TCP11: variants seen among roughly 807,000 people sequenced by gnomAD.
TCP11 encodes the protein T-complex protein 11 homolog.
TCP11 carries 34 observed loss-of-function variants against 45.0 expected under a neutral mutation model. The observed-to-expected ratio is 0.76, with a 90% confidence interval of 0.57 to 1.01. The LOEUF (loss-of-function observed/expected upper bound fraction) is 1.01. Ranked by LOEUF, TCP11 falls within the 50% of genes least tolerant of loss-of-function variation. The pLI is 0.00. For synonymous variants in TCP11, 227 were observed against 227.0 expected (o/e 1.00, Z 0.00); for missense variants, 523 against 598.1 (o/e 0.87, Z 1.31).
intron 4 of TCP11, among the ~76,000 whole-genome samples, chr6:35,122,941 G>A (rs1779448187): frequency 6.6e-6 from 1 of 152,104 alleles, no homozygotes. Context: ...AATCAAAGTT[G>A]CTCCATACTA....
chr6:35,129,423 G>C (rs1229820157), intron 3 of TCP11, among the ~76,000 whole-genome samples: 2 of 152,226 alleles, frequency 1.3e-5, no homozygotes, highest in East Asian at 3.8e-4. Context: ...CCCTCTCTCT[G>C]CAGTAGAAAG....
chr6:35,130,487 A>G lies in TCP11; in HGVS notation c.237-1305T>C, dbSNP rs541725515. 1.1e-3 allele frequency among the ~76,000 whole-genome samples: 165 copies of G among 152,330 alleles called. 1 individual carries two copies. The highest frequency in any genetic ancestry group is 2.0e-3 in the Non-Finnish European group (138 of 68,034). ...GGATATATATCCAAAACATACAAAG[A>G]ACTCTTAAAACGCAACAATAGGAAA... On this transcript the variant is annotated intron_variant, in intron 3 of 9. Transcript: ENST00000311875.
chr6:35,123,565 C>A (rs921222255), intron 4 of TCP11, among the ~76,000 whole-genome samples: 5 of 151,998 alleles, frequency 3.3e-5, no homozygotes, highest in African/African-American at 1.2e-4. Context: ...GCCTCCAACT[C>A]CTGAGCCCAA....
intron 3 of TCP11, among the ~76,000 whole-genome samples, chr6:35,135,025 T>C (rs1187217986): frequency 6.6e-6 from 1 of 151,956 alleles, no homozygotes; most frequent in Admixed American, 6.6e-5. Context: ...TGCATGCCTG[T>C]AATCCCAGCT....
In TCP11 at chr6:35,119,395, G is replaced by C. The variant is rs777575925; in HGVS notation, c.1116-4C>G. ...AGTCAGTATAGCTTCCTCAGGCCTA[G>C]ACCATGAAAGAAAGTAAGCTGGCAC... is the stretch of plus-strand genomic sequence containing the variant. On this transcript the variant is annotated splice_polypyrimidine_tract_variant and splice_region_variant and intron_variant, in intron 8 of 9. Coordinates refer to ENST00000311875, the MANE Select transcript of TCP11 (RefSeq NM_001370687.1). 5.6e-6 allele frequency: 9 copies of C among 1,613,360 alleles called. No individual in the cohort carries two copies. The highest frequency in any genetic ancestry group is 1.7e-4 in the Middle Eastern group (1 of 6,052).
chr6:35,132,303 C>T (rs1249712714), intron 3 of TCP11, among the ~76,000 whole-genome samples: 1 of 152,220 alleles, frequency 6.6e-6, no homozygotes, highest in Non-Finnish European at 1.5e-5. Context: ...ATCCAAGACT[C>T]AAGTCTTCAT....
chr6:35,139,178 C>T (rs1479726379), intron 2 of TCP11, among the ~76,000 whole-genome samples: 9 of 150,366 alleles, frequency 6.0e-5, no homozygotes, highest in East Asian at 3.9e-4. Flanking sequence ...ACAGAGACTC[C>T]GTCTCAAAAA....
intron 2 of TCP11, among the ~76,000 whole-genome samples, chr6:35,139,423 G>A (rs192681786): frequency 4.3e-4 from 66 of 152,314 alleles, no homozygotes; most frequent in African/African-American, 1.5e-3. Context: ...AATCCACTGA[G>A]TCTCTGCTTA....
rs1426080139 is a variant in TCP11 at position 35,136,137 on chromosome 6, T to C, written c.206A>G (p.Tyr69Cys). 1 of 1,613,730 alleles carries C rather than the reference T, an allele frequency of 6.2e-7. No homozygotes were observed. Among genetic ancestry groups the C allele is most frequent in the African/African-American group, 1.3e-5 (1 of 74,888 alleles). The change falls in exon 3 of 10, where the codon TAC (tyrosine) becomes TGC (cysteine). Residue 69 changes from tyrosine (Y) to cysteine (C), a missense_variant. Around this residue, in one of 2 missense-constraint regions of TCP11, gnomAD observed 225 missense variants for 210.2 expected, o/e 1.07. Coordinates refer to ENST00000311875, the MANE Select transcript of TCP11 (RefSeq NM_001370687.1). Reference protein sequence around the residue: ...SNKIGMNCDYYMEEKVLPPSS... With the variant: ...SNKIGMNCDYCMEEKVLPPSS... Reference sequence around the variant, plus strand: ...TGGAGGTAAAACCTTCTCTTCCATGTAGTAATCACAATTCATCCCAATCTT... The same window carrying C: ...TGGAGGTAAAACCTTCTCTTCCATGCAGTAATCACAATTCATCCCAATCTT...
rs369579028 is a variant in TCP11, at chr6:35,120,088, C to T, written c.1115+71G>A. On this transcript the variant is annotated intron_variant, in intron 8 of 9. Coordinates refer to ENST00000311875, the MANE Select transcript of TCP11 (RefSeq NM_001370687.1). The surrounding 1 kb of genome is among the most constrained non-coding windows in gnomAD (Gnocchi z 4.9). ...TGGTTTGTGGTAGACAGTAAGCAATCGTTCATTACCTGCCTATGTTCTAAA... is the reference window on the plus strand; with the variant it reads ...TGGTTTGTGGTAGACAGTAAGCAATTGTTCATTACCTGCCTATGTTCTAAA... The T allele has an allele frequency of 8.4e-6, 13 of 1,539,690 alleles. No individual in the cohort carries two copies. Among genetic ancestry groups the T allele is most frequent in the African/African-American group, 8.2e-5 (6 of 73,156 alleles).
chr6:35,138,280 T>C (rs906878593), intron 2 of TCP11, among the ~76,000 whole-genome samples: 1 of 152,200 alleles, frequency 6.6e-6, no homozygotes, highest in Admixed American at 6.5e-5. Flanking sequence ...AAGAGATATC[T>C]GCACTCCCAT....
chr6:35,136,789 G>T (rs1249708553), intron 2 of TCP11, among the ~76,000 whole-genome samples: 1 of 4,502 alleles, frequency 2.2e-4, no homozygotes, highest in South Asian at 2.7e-3. Context: ...TATGGACAGT[G>T]AAACAAGCAA....
At chr6:35,119,169 T>C in intron 9 of TCP11, 59 bp downstream of exon 9, 1 of 1,591,460 alleles carries the variant, frequency 6.3e-7, no homozygotes, top group Non-Finnish European at 8.6e-7. Flanking sequence ...AGGTTGGGGT[T>C]CCACGGTTGG....
intron 2 of TCP11, among the ~76,000 whole-genome samples, chr6:35,138,393 A>G (rs1488192504): frequency 6.6e-6 from 1 of 152,214 alleles, no homozygotes; most frequent in African/African-American, 2.4e-5. Flanking sequence ...TCAGCCAAAA[A>G]CAAAAAAACA....
At chr6:35,137,417 A>G (rs913191358) in intron 2 of TCP11, among the ~76,000 whole-genome samples, 7 of 146,140 alleles carry the variant, frequency 4.8e-5, no homozygotes, top group Non-Finnish European at 1.0e-4. Context: ...ATCATCTACC[A>G]CCACCAAAAT....
intron 4 of TCP11, among the ~76,000 whole-genome samples, chr6:35,126,689 T>C (rs1363526379): frequency 6.9e-6 from 1 of 144,096 alleles, no homozygotes; most frequent in Non-Finnish European, 1.5e-5. Flanking sequence ...GACAGGGTTT[T>C]GCTCTGTTGC....
intron 1 of TCP11, 118 bp downstream of exon 1, chr6:35,141,087 A>G: frequency 1.6e-6 from 2 of 1,257,058 alleles, no homozygotes; most frequent in Non-Finnish European, 2.0e-6. Context: ...CGAGGAAACT[A>G]AAGCCACAGA....
At position 35,120,458 on chromosome 6, in the gene TCP11, A is replaced by AG. The variant is rs779804157; in HGVS notation, c.903dup (p.Trp302LeufsTer4). On this transcript the variant is annotated frameshift_variant, in exon 7 of 10. Coordinates refer to ENST00000311875, the MANE Select transcript of TCP11 (RefSeq NM_001370687.1). LOFTEE classifies it high-confidence loss of function. This position sits in a 1 kb window ranked among gnomAD's most constrained non-coding sequence, Gnocchi z 4.9. Reference sequence around the variant, plus strand: ...GGGAACTCTTCATTTTCAAGGTCCCAGAGAAGGAGGTTCAAGAAGCCCTGA... The same window carrying AG: ...GGGAACTCTTCATTTTCAAGGTCCCAGGAGAAGGAGGTTCAAGAAGCCCTGA... 40 of 1,601,012 alleles carry AG rather than the reference A, an allele frequency of 2.5e-5. No individual in the cohort carries two copies. The highest frequency in any genetic ancestry group is 2.9e-5 in the Non-Finnish European group (34 of 1,173,496).
chr6:35,123,405 T>A (rs1779489284), intron 4 of TCP11, among the ~76,000 whole-genome samples: 1 of 152,002 alleles, frequency 6.6e-6, no homozygotes. Context: ...TCAAGTGATA[T>A]CCTCCAAGGT....
Sources: allele counts gnomAD v4.1 joint callset (sites outside exome capture counted in the v4.1 genomes callset), GRCh38; gene constraint gnomAD v4.1.1; regional missense constraint gnomAD v4.1.1; non-coding constraint Gnocchi (gnomAD v3.1); transcripts MANE v1.5; gene names NCBI Gene and HGNC (gene_info 2026-07-23, HGNC 2026-07-21).